Variants in NEMP2 observed in about 807,000 individuals in gnomAD.
NEMP2 encodes the protein UPF0571 transmembrane protein.
Under a neutral mutation model 54.2 loss-of-function variants are expected in NEMP2, and 53 were observed. That is an observed-to-expected ratio of 0.98 (90% CI 0.78 to 1.23). The LOEUF is 1.23. Among genes scored for constraint, NEMP2 ranks in the 50% most tolerant of loss-of-function variants. NEMP2 has a pLI of 0.00. For missense variants in NEMP2, 455 were observed against 511.3 expected (o/e 0.89, Z 1.06); for synonymous variants, 197 against 190.3 (o/e 1.04, Z -0.29).
chr2:190,532,939 T>C (rs991257177), intron 1 of NEMP2, among the ~76,000 whole-genome samples: 1 of 152,206 alleles, frequency 6.6e-6, no homozygotes, highest in Non-Finnish European at 1.5e-5. Flanking sequence ...ACTAGTTTTA[T>C]CAAGTCAGTG....
chr2:190,467,740 A>G, the NEMP2 span, among the ~76,000 whole-genome samples: 1 of 152,268 alleles, frequency 6.6e-6, no homozygotes, highest in Non-Finnish European at 1.5e-5. This position sits in a 1 kb window ranked among gnomAD's most constrained non-coding sequence, Gnocchi z 5.5. Context: ...ACATGTTTAA[A>G]TGGTTGAAAA....
the NEMP2 span, among the ~76,000 whole-genome samples, chr2:190,557,628 G>GA: frequency 6.1e-5 from 9 of 148,070 alleles, no homozygotes; most frequent in Admixed American, 6.7e-5. Context: ...AATTTACAAG[G>GA]AAAAAAAAAC....
Position 190,519,273 on chromosome 2 carries a change from G to A in NEMP2, c.214-90C>T. The A allele has an allele frequency of 1.1e-6, 1 of 907,630 alleles. No homozygotes were observed. Among genetic ancestry groups the A allele is most frequent in the Non-Finnish European group, 1.7e-6 (1 of 599,082 alleles). 56.2% of individuals were successfully genotyped at this position (907,630 alleles called of 1,614,324 possible). A position where few individuals can be genotyped will look rare whatever the true frequency, so the allele number is the denominator to read the frequency against. ...GTCTCCCTCTGTTGCCCAGAATGGAGTGCAGTGGCAGGATCTCTGCTCACT... is the reference window on the plus strand; with the variant it reads ...GTCTCCCTCTGTTGCCCAGAATGGAATGCAGTGGCAGGATCTCTGCTCACT... On this transcript the variant is annotated intron_variant, in intron 2 of 8. Transcript: ENST00000409150. This position sits in a 1 kb window ranked among gnomAD's most constrained non-coding sequence, Gnocchi z 5.4.
the NEMP2 span, among the ~76,000 whole-genome samples, chr2:190,552,079 T>C: frequency 6.6e-6 from 1 of 152,210 alleles, no homozygotes; most frequent in Non-Finnish European, 1.5e-5. Flanking sequence ...TCAGTCTTTG[T>C]AGCAGACCTT....
the NEMP2 span, among the ~76,000 whole-genome samples, chr2:190,590,834 C>T: frequency 6.6e-6 from 1 of 152,264 alleles, no homozygotes; most frequent in African/African-American, 2.4e-5. The surrounding 1 kb of genome is among the most constrained non-coding windows in gnomAD (Gnocchi z 5.1). Flanking sequence ...CTTATTTCTT[C>T]TACCAGAATT....
At chr2:190,591,154 A>G in the NEMP2 span, among the ~76,000 whole-genome samples, 3 of 152,058 alleles carry the variant, frequency 2.0e-5, no homozygotes, top group Non-Finnish European at 4.4e-5. This position sits in a 1 kb window ranked among gnomAD's most constrained non-coding sequence, Gnocchi z 5.4. Flanking sequence ...AGGGGGAGAA[A>G]TTTTGTGTTT....
chr2:190,517,415 A>C (rs1408803050), intron 5 of NEMP2, 105 bp downstream of exon 5: 1 of 784,732 alleles, frequency 1.3e-6, no homozygotes, highest in Non-Finnish European at 2.0e-6. Flanking sequence ...GAAGAAACAT[A>C]ATTTAAATTA....
At chr2:190,532,239 T>C (rs144911613) in intron 1 of NEMP2, among the ~76,000 whole-genome samples, 52 of 152,346 alleles carry the variant, frequency 3.4e-4, no homozygotes, top group Non-Finnish European at 6.9e-4. Flanking sequence ...ACCAAAGTGA[T>C]AAAGGTAACT....
At chr2:190,491,344 A>G in the NEMP2 span, among the ~76,000 whole-genome samples, 2 of 152,210 alleles carry the variant, frequency 1.3e-5, no homozygotes, top group Non-Finnish European at 2.9e-5. The surrounding 1 kb of genome is among the most constrained non-coding windows in gnomAD (Gnocchi z 4.2). Flanking sequence ...CTCCAGAACT[A>G]CTGCAGGAAT....
chr2:190,610,057 T>C, the NEMP2 span: 2 of 152,174 alleles, frequency 1.3e-5, no homozygotes, highest in Non-Finnish European at 2.9e-5. This position sits in a 1 kb window ranked among gnomAD's most constrained non-coding sequence, Gnocchi z 5.4. Flanking sequence ...ATTGAAAACA[T>C]TATTTTGGAG....
the NEMP2 span, chr2:190,648,545 A>C: frequency 7.3e-6 from 1 of 136,160 alleles, no homozygotes. Flanking sequence ...TTTTAAAGTC[A>C]GCCTCCTAGA....
At position 190,508,585 on chromosome 2, in the gene NEMP2, C is replaced by G. The variant is rs1690250012; in HGVS notation, c.*604G>C. 6.6e-6 allele frequency: 1 copy of G among 152,258 alleles called. No homozygotes were observed. Among genetic ancestry groups the G allele is most frequent in the Non-Finnish European group, 1.5e-5 (1 of 68,062 alleles). The allele number at this position is 152,258 out of a possible 1,614,324, so 9.4% of individuals were successfully genotyped here. A position where few individuals can be genotyped will look rare whatever the true frequency, so the allele number is the denominator to read the frequency against. On this transcript the variant is annotated 3_prime_UTR_variant, in exon 9 of 9. Transcript: ENST00000409150. This position sits in a 1 kb window ranked among gnomAD's most constrained non-coding sequence, Gnocchi z 4.3. Reference sequence around the variant, plus strand: ...AAATTAAGCAAGAAACTGCAGCACACAATTTCTCCCCTTTGGGAGATTCAC... The same window carrying G: ...AAATTAAGCAAGAAACTGCAGCACAGAATTTCTCCCCTTTGGGAGATTCAC...
chr2:190,604,950 AGAAGCCTG>A, the NEMP2 span, among the ~76,000 whole-genome samples: 1 of 152,180 alleles, frequency 6.6e-6, no homozygotes, highest in African/African-American at 2.4e-5. The surrounding 1 kb of genome is among the most constrained non-coding windows in gnomAD (Gnocchi z 4.5). Context: ...TGCTTAAACC[AGAAGCCTG>A]GGACCCTTGA....
the NEMP2 span, among the ~76,000 whole-genome samples, chr2:190,602,239 A>G: frequency 2.6e-5 from 4 of 152,320 alleles, no homozygotes; most frequent in African/African-American, 9.6e-5. Context: ...GGCAATTTGT[A>G]GGGCAGGCTG....
At chr2:190,624,686 T>C in the NEMP2 span, 3 of 152,210 alleles carry the variant, frequency 2.0e-5, no homozygotes, top group Non-Finnish European at 4.4e-5. Context: ...GTCATTATGT[T>C]GAGTGAAATA....
At chr2:190,515,068 G>A (rs902623751) in intron 6 of NEMP2, among the ~76,000 whole-genome samples, 1 of 152,156 alleles carries the variant, frequency 6.6e-6, no homozygotes, top group Non-Finnish European at 1.5e-5. Flanking sequence ...TAATTTTACA[G>A]TGGAGGGAGT....
At chr2:190,542,319 C>A in the NEMP2 span, among the ~76,000 whole-genome samples, 5 of 152,320 alleles carry the variant, frequency 3.3e-5, no homozygotes, top group East Asian at 5.8e-4. This position sits in a 1 kb window ranked among gnomAD's most constrained non-coding sequence, Gnocchi z 4.6. Flanking sequence ...TCAAGCAATT[C>A]TTTTGCCTCA....
At chr2:190,511,202 C>G (rs961627939) in intron 7 of NEMP2, among the ~76,000 whole-genome samples, 15 of 151,976 alleles carry the variant, frequency 9.9e-5, no homozygotes, top group Admixed American at 3.3e-4. Flanking sequence ...TTCTTGGGCA[C>G]TAATAGAAGC....
At chr2:190,607,294 C>A in the NEMP2 span, among the ~76,000 whole-genome samples, 1 of 152,042 alleles carries the variant, frequency 6.6e-6, no homozygotes, top group Non-Finnish European at 1.5e-5. This position sits in a 1 kb window ranked among gnomAD's most constrained non-coding sequence, Gnocchi z 5.2. Context: ...AGCAGGTGGC[C>A]AAATCTCAGG....
Sources: gnomAD v4.1 joint callset for allele counts (sites outside exome capture counted in the v4.1 genomes callset) on GRCh38, gnomAD v4.1.1 for gene constraint, Gnocchi (gnomAD v3.1) non-coding constraint, MANE v1.5 for transcripts, NCBI Gene and HGNC (gene_info 2026-07-23, HGNC 2026-07-21) for gene names.